The following COL2A1 variants were observed in gnomAD, a reference collection of about 807,000 sequenced individuals.
The protein encoded by COL2A1 is collagen type II alpha 1 chain.
In COL2A1, 28 loss-of-function variants were observed where a neutral mutation model predicts 204.5. That is an observed-to-expected ratio of 0.14 (90% confidence interval 0.10 to 0.19). The LOEUF is 0.19. Among genes scored for constraint, COL2A1 ranks in the 10% least tolerant of loss-of-function variants. The pLI is 1.00. For synonymous variants in COL2A1, 708 were observed against 718.7 expected (o/e 0.99, Z 0.24); for missense variants, 1,388 against 2,027.5 (o/e 0.68, Z 6.06).
chr12:47,975,689 G>A (rs1402141681), intron 50 of COL2A1, 84 bp from the exon 51 acceptor site: 2 of 1,465,754 alleles, frequency 1.4e-6, no homozygotes, highest in Non-Finnish European at 1.9e-6. Context: ...ATGTACTAGA[G>A]TGTCCCTCTT....
intron 11 of COL2A1, among the ~76,000 whole-genome samples, 158 bp downstream of exon 11, chr12:47,995,097 C>A (rs1470698346): frequency 6.6e-6 from 1 of 151,752 alleles, no homozygotes; most frequent in Non-Finnish European, 1.5e-5. Context: ...TCACAGTGGC[C>A]ATATAGATAG....
At chr12:47,998,287 G>T (rs190590372) in intron 3 of COL2A1, 86 bp from the exon 4 acceptor site, 3 of 1,578,920 alleles carry the variant, frequency 1.9e-6, no homozygotes, top group Admixed American at 1.7e-5. Context: ...CCTGTGTTGA[G>T]GTACCCTCTG....
At chr12:47,983,487 TGG>T in intron 30 of COL2A1, 49 bp from the exon 31 acceptor site, 1 of 1,592,772 alleles carries the variant, frequency 6.3e-7, no homozygotes. Context: ...TTTGCTGCCC[TGG>T]CCCCCAGGGA....
At chr12:47,984,672 G>A in intron 27 of COL2A1, 73 bp from the exon 28 acceptor site, 2 of 1,403,014 alleles carry the variant, frequency 1.4e-6, no homozygotes, top group South Asian at 2.3e-5. Flanking sequence ...GGGCTGCAGG[G>A]ACTGAGGCCT....
Position 47,982,487 on chromosome 12 carries a change from A to C in COL2A1, c.2301+15T>G. 1 of 1,600,894 alleles carries C rather than the reference A, an allele frequency of 6.2e-7. No individual in the cohort carries two copies. Among genetic ancestry groups the C allele is most frequent in the Non-Finnish European group, 8.6e-7 (1 of 1,168,268 alleles). On this transcript the variant is annotated intron_variant, in intron 34 of 53. Coordinates refer to ENST00000380518, the MANE Select transcript of COL2A1 (RefSeq NM_001844.5). ...AGCCACAGCTTTGGTGAGAGGCTGTAACCTCAGTACTTACCCTGTCGCCTT... is the reference window on the plus strand; with the variant it reads ...AGCCACAGCTTTGGTGAGAGGCTGTCACCTCAGTACTTACCCTGTCGCCTT...
chr12:47,973,958 A>G (rs1367021595), intron 53 of COL2A1, 131 bp downstream of exon 53: 34 of 1,302,010 alleles, frequency 2.6e-5, no homozygotes, highest in Non-Finnish European at 3.5e-5. Context: ...TATCTTCTCT[A>G]CATGACCCTC....
In COL2A1 at chr12:47,983,405, C is replaced by T. The variant is rs1006159640; in HGVS notation, c.2029G>A (p.Gly677Ser). 6.2e-7 allele frequency: 1 copy of T among 1,614,170 alleles called. No homozygotes were observed. The highest frequency in any genetic ancestry group is 8.5e-7 in the Non-Finnish European group (1 of 1,180,016). ...CTCACCTGGTCACCTGGTTTTCCAC[C>T]TTCACCTGGGGGACCAGGAGGGCCA... ...LPGPPGPPGE[G>S]GKPGDQGVPG... Residue 677 changes from glycine to serine, a missense_variant, in exon 31 of 54, where the codon GGT becomes AGT. Gly to Ser is a moderately conservative substitution (Grantham distance 56). Transcript: ENST00000380518.
intron 1 of COL2A1, among the ~76,000 whole-genome samples, 175 bp from the exon 2 acceptor site, chr12:48,000,300 A>AT (rs1362121305): frequency 6.6e-6 from 1 of 152,176 alleles, no homozygotes; most frequent in Non-Finnish European, 1.5e-5. Flanking sequence ...AACATCATTG[A>AT]TTTTTCCATG....
intron 34 of COL2A1, 66 bp from the exon 35 acceptor site, chr12:47,982,226 C>T (rs2136547245): frequency 6.9e-7 from 1 of 1,441,736 alleles, no homozygotes; most frequent in Non-Finnish European, 9.8e-7. Context: ...TGCTCAGTCC[C>T]ACCCAGGCTG....
At chr12:47,995,224 G>A (rs764399470) in intron 11 of COL2A1, 31 bp downstream of exon 11, 9 of 1,587,378 alleles carry the variant, frequency 5.7e-6, no homozygotes, top group Non-Finnish European at 6.9e-6. Flanking sequence ...AAAGGAGGCA[G>A]CTCCTCATTT....
Position 47,985,448 on chromosome 12 carries a change from C to T in COL2A1, c.1734+86G>A, listed in dbSNP as rs138807429. Reference sequence around the variant, plus strand: ...CAAAATTCACAGTACTTCAGGCCTCCCTAACCCAAACTCCATCTCTCTTTT... The same window carrying T: ...CAAAATTCACAGTACTTCAGGCCTCTCTAACCCAAACTCCATCTCTCTTTT... On this transcript the variant is annotated intron_variant, in intron 26 of 53. Coordinates refer to ENST00000380518, the MANE Select transcript of COL2A1 (RefSeq NM_001844.5). 1.8e-4 allele frequency: 251 copies of T among 1,430,750 alleles called. No individual in the cohort carries two copies. In the African/African-American group the frequency reaches 3.3e-3, roughly 19 times the overall value. 88.6% of individuals were successfully genotyped at this position (1,430,750 alleles called of 1,614,324 possible).
chr12:47,997,927 G>A lies in COL2A1; in HGVS notation c.376-3C>T. On this transcript the variant is annotated splice_region_variant and splice_polypyrimidine_tract_variant and intron_variant, in intron 5 of 53. Coordinates refer to ENST00000380518, the MANE Select transcript of COL2A1 (RefSeq NM_001844.5). ...GGTCCTTGTTCCCCTGCAGGTCCCT[G>A]AAGGTGAAGAACATGGTAAGATGAC... The A allele has an allele frequency of 6.2e-7, 1 of 1,614,148 alleles. No individual in the cohort carries two copies. The highest frequency in any genetic ancestry group is 2.2e-5 in the East Asian group (1 of 44,884).
rs1939450834 is a variant in COL2A1 at position 47,986,941 on chromosome 12, C to T, written c.1366-53G>A. On this transcript the variant is annotated intron_variant, in intron 21 of 53. Coordinates refer to ENST00000380518, the MANE Select transcript of COL2A1 (RefSeq NM_001844.5). Reference sequence around the variant, plus strand: ...CAGATTCTCTCCAGGGAGCCTGCCCCTCCCCAGAACCCCTGTTCAAGATGC... The same window carrying T: ...CAGATTCTCTCCAGGGAGCCTGCCCTTCCCCAGAACCCCTGTTCAAGATGC... 4.4e-6 allele frequency: 7 copies of T among 1,609,186 alleles called. No individual in the cohort carries two copies. The South Asian group carries it at 6.6e-5, about 15-fold the overall frequency.
At chr12:48,002,098 A>C (rs1940261615) in intron 1 of COL2A1, among the ~76,000 whole-genome samples, 1 of 152,124 alleles carries the variant, frequency 6.6e-6, no homozygotes, top group Admixed American at 6.5e-5. Flanking sequence ...GCGCACACAG[A>C]GCCCGATTCA....
chr12:47,982,795 A>T (rs1939168836), intron 33 of COL2A1, 53 bp downstream of exon 33: 7 of 1,494,466 alleles, frequency 4.7e-6, no homozygotes, highest in Non-Finnish European at 6.5e-6. Flanking sequence ...CTCCCTGCTC[A>T]GTGGGACTCC....
In COL2A1 at chr12:47,997,600, A is replaced by G; in HGVS notation, c.531+6T>C. On this transcript the variant is annotated splice_donor_region_variant and intron_variant, in intron 7 of 53. Coordinates refer to ENST00000380518, the MANE Select transcript of COL2A1 (RefSeq NM_001844.5). ...GCCTGAAGGAATGGGAAGTAAGGAT[A>G]CTTACTCCACCAAGACCAGGGGGAC... is the stretch of plus-strand genomic sequence containing the variant. The G allele has an allele frequency of 1.4e-5, 23 of 1,613,812 alleles. No homozygotes were observed. The highest frequency in any genetic ancestry group is 1.9e-5 in the Non-Finnish European group (22 of 1,179,942).
Position 47,978,376 on chromosome 12 carries a change from G to A in COL2A1, c.2918C>T (p.Pro973Leu), listed in dbSNP as rs1437419245. The change falls in exon 43 of 54, where the codon CCC becomes CTC. Residue 973 changes from proline (P) to leucine (L), a missense_variant. By Grantham distance (98) the Pro-to-Leu change is moderately conservative. This residue lies in a region of COL2A1 where 884 missense variants were observed against 1,415.8 expected (regional missense o/e 0.62). Transcript: ENST00000380518. The surrounding 1 kb of genome is among the most constrained non-coding windows in gnomAD (Gnocchi z 5.5). Reference sequence around the variant, plus strand: ...GCCTCTCTGACCAGCCAGACCCTGGGGACCTGGTGGACCTTCGGCACCCTG... The same window carrying A: ...GCCTCTCTGACCAGCCAGACCCTGGAGACCTGGTGGACCTTCGGCACCCTG... ...GPSGAEGPPG[P>L]QGLAGQRGIV... The A allele has an allele frequency of 6.2e-7, 1 of 1,613,928 alleles. No individual in the cohort carries two copies. The highest frequency in any genetic ancestry group is 1.3e-5 in the African/African-American group (1 of 74,930).
At chr12:47,979,635 G>GCCC in intron 40 of COL2A1, 71 bp from the exon 41 acceptor site, 1 of 557,550 alleles carries the variant, frequency 1.8e-6, no homozygotes. Flanking sequence ...TGGGCGGGGG[G>GCCC]CGGGGGTGGT....
chr12:47,976,967 G>A lies in COL2A1; in HGVS notation c.3328-48C>T, dbSNP rs1359169254. 6.4e-7 allele frequency: 1 copy of A among 1,550,492 alleles called. No homozygotes were observed. The highest frequency in any genetic ancestry group is 8.8e-7 in the Non-Finnish European group (1 of 1,138,204). On this transcript the variant is annotated intron_variant, in intron 47 of 53. Coordinates refer to ENST00000380518, the MANE Select transcript of COL2A1 (RefSeq NM_001844.5). The surrounding 1 kb of genome is among the most constrained non-coding windows in gnomAD (Gnocchi z 4.3). ...TTGAGTCAGGTCAGGGCCAGGACAG[G>A]AGCCCCCTCCTGTCCCACCCAAGCT...
Sources: gnomAD v4.1 joint callset for allele counts (sites outside exome capture counted in the v4.1 genomes callset) on GRCh38, gnomAD v4.1.1 for gene constraint, gnomAD v4.1.1 regional missense constraint, Gnocchi (gnomAD v3.1) non-coding constraint, MANE v1.5 for transcripts, NCBI Gene and HGNC (gene_info 2026-07-23, HGNC 2026-07-21) for gene names.